The following NTNG1 variants were observed in gnomAD, a reference collection of about 807,000 sequenced individuals.
NTNG1 encodes netrin-G1.
A neutral mutation model predicts 54.0 loss-of-function variants in NTNG1; 16 were observed. That is an observed-to-expected ratio of 0.30 (90% CI 0.20 to 0.45). The LOEUF is 0.45. Ranked by LOEUF, NTNG1 falls within the 20% of genes least tolerant of loss-of-function variation. NTNG1 has a pLI of 1.00. For missense variants in NTNG1, 530 were observed against 678.7 expected (o/e 0.78, Z 2.43); for synonymous variants, 255 against 263.1 (o/e 0.97, Z 0.30).
chr1:107,170,229 T>C (rs1656118301), intron 2 of NTNG1, among the ~76,000 whole-genome samples: 1 of 152,180 alleles, frequency 6.6e-6, no homozygotes, highest in Admixed American at 6.5e-5. Context: ...GGATTATTGA[T>C]TAAGGCTTCT....
Position 107,461,049 on chromosome 1 carries a change from G to C in NTNG1, c.1391-19562G>C, listed in dbSNP as rs1415734233. Reference sequence around the variant, plus strand: ...AAAGGATGGATGCTGGGTGAAACAAGACAGAGAAGGCTTTAATTTATTCAA... The same window carrying C: ...AAAGGATGGATGCTGGGTGAAACAACACAGAGAAGGCTTTAATTTATTCAA... On this transcript the variant is annotated intron_variant, in intron 7 of 7. Transcript: ENST00000370068. 2.0e-5 allele frequency among the ~76,000 whole-genome samples: 3 copies of C among 152,184 alleles called. No individual in the cohort carries two copies. In the South Asian group the frequency reaches 6.2e-4, roughly 32 times the overall value.
chr1:107,415,368 T>C (rs539900368), intron 5 of NTNG1, among the ~76,000 whole-genome samples: 11 of 152,132 alleles, frequency 7.2e-5, no homozygotes, highest in Non-Finnish European at 1.3e-4. Flanking sequence ...GGCATATGCC[T>C]CATACATACA....
At chr1:107,253,599 C>T (rs1272702918) in intron 2 of NTNG1, among the ~76,000 whole-genome samples, 3 of 152,106 alleles carry the variant, frequency 2.0e-5, no homozygotes, top group Admixed American at 1.3e-4. Flanking sequence ...ATTAAGTTTA[C>T]CTGCTCTTCC....
chr1:107,314,275 T>A (rs1667198169), intron 2 of NTNG1, among the ~76,000 whole-genome samples: 1 of 152,140 alleles, frequency 6.6e-6, no homozygotes, highest in Non-Finnish European at 1.5e-5. Context: ...GGCACATGCC[T>A]GTATTCCCAG....
At chr1:107,391,443 A>G (rs1268481920) in intron 3 of NTNG1, among the ~76,000 whole-genome samples, 2 of 152,210 alleles carry the variant, frequency 1.3e-5, no homozygotes, top group Admixed American at 6.5e-5. Context: ...TAAGAAAGTG[A>G]TTGTTGCTAG....
chr1:107,426,659 T>A (rs542761531), intron 5 of NTNG1, among the ~76,000 whole-genome samples: 2 of 152,062 alleles, frequency 1.3e-5, no homozygotes, highest in Non-Finnish European at 2.9e-5. Flanking sequence ...CTATTTGGGC[T>A]TTTTTTGGGG....
At chr1:107,215,167 C>A (rs1659870425) in intron 2 of NTNG1, among the ~76,000 whole-genome samples, 1 of 152,010 alleles carries the variant, frequency 6.6e-6, no homozygotes, top group Non-Finnish European at 1.5e-5. Flanking sequence ...TATTTTGGTG[C>A]ATTAGCTTTT....
intron 5 of NTNG1, chr1:107,408,910 A>G (rs2819980): frequency 0.95 from 145,127 of 152,204 alleles, 69,578 homozygotes; most frequent in East Asian, 1. Context: ...TTATAAATGC[A>G]CAGTCAGGTG....
chr1:107,223,783 T>G (rs1052033230), intron 2 of NTNG1, among the ~76,000 whole-genome samples: 37 of 152,162 alleles, frequency 2.4e-4, no homozygotes, highest in African/African-American at 8.4e-4. Flanking sequence ...CAGAAAACAT[T>G]TTTGCTTGCT....
intron 2 of NTNG1, among the ~76,000 whole-genome samples, chr1:107,169,950 T>C (rs1222451474): frequency 6.6e-6 from 1 of 152,242 alleles, no homozygotes; most frequent in African/African-American, 2.4e-5. Context: ...TGTCCACAGC[T>C]GGAATTTTCT....
intron 3 of NTNG1, among the ~76,000 whole-genome samples, chr1:107,330,623 G>A (rs1173864806): frequency 2.6e-5 from 4 of 152,098 alleles, no homozygotes; most frequent in African/African-American, 9.7e-5. Flanking sequence ...GTTAATTCAT[G>A]ATTTAGCTAG....
At chr1:107,464,670 T>C (rs1044515434) in intron 7 of NTNG1, among the ~76,000 whole-genome samples, 13 of 151,996 alleles carry the variant, frequency 8.6e-5, no homozygotes, top group African/African-American at 3.1e-4. Context: ...ACAAGAAAAG[T>C]GTTTGTCCAT....
At position 107,144,058 on chromosome 1, in the gene NTNG1, A is replaced by T. The variant is rs184120744; in HGVS notation, c.-526+2918A>T. On this transcript the variant is annotated intron_variant, in intron 1 of 7. Transcript: ENST00000370068. ...TATTAAATTCCTTATATTTTGAGAG[A>T]CAGTTAACAAAAGGATAGAAGCATA... Among the ~76,000 whole-genome samples the T allele has an allele frequency of 7.2e-5, 11 of 152,218 alleles. No individual in the cohort carries two copies. In the East Asian group the frequency reaches 1.9e-3, roughly 27 times the overall value.
rs114997009 is a variant in NTNG1 at position 107,239,144 on chromosome 1, A to G, written c.247-85138A>G. ...TTGTGAAGGAAAAGTATACATGGAT[A>G]ACAGGAGAGTTAGGCCTAGAAGGAG... On this transcript the variant is annotated intron_variant, in intron 2 of 7. Coordinates refer to ENST00000370068, the MANE Select transcript of NTNG1 (RefSeq NM_001113226.3). Among the ~76,000 whole-genome samples, 311 of 152,306 alleles carry G rather than the reference A, an allele frequency of 2.0e-3. 1 individual carries two copies. Among genetic ancestry groups the G allele is most frequent in the African/African-American group, 7.1e-3 (297 of 41,558 alleles).
At chr1:107,396,860 A>T (rs189055883) in intron 4 of NTNG1, among the ~76,000 whole-genome samples, 8 of 152,298 alleles carry the variant, frequency 5.3e-5, no homozygotes, top group Admixed American at 5.2e-4. Context: ...GCTTGCCAAG[A>T]CCACTGGAGA....
At chr1:107,184,145 G>A (rs889524350) in intron 2 of NTNG1, among the ~76,000 whole-genome samples, 26 of 152,070 alleles carry the variant, frequency 1.7e-4, no homozygotes, top group Non-Finnish European at 2.6e-4. Context: ...AGTCTAGGAT[G>A]TTGTCATCCA....
chr1:107,460,150 C>G (rs1329930872), intron 7 of NTNG1, among the ~76,000 whole-genome samples: 1 of 152,174 alleles, frequency 6.6e-6, no homozygotes, highest in South Asian at 2.1e-4. Context: ...TCCTCAAGGG[C>G]AGAGTTTCAG....
chr1:107,425,236 G>T (rs1674823227), intron 5 of NTNG1, among the ~76,000 whole-genome samples: 2 of 152,032 alleles, frequency 1.3e-5, no homozygotes, highest in African/African-American at 4.8e-5. Context: ...GTGTTTCATG[G>T]ATATTACATG....
At chr1:107,186,170 T>C (rs951875474) in intron 2 of NTNG1, among the ~76,000 whole-genome samples, 2 of 152,182 alleles carry the variant, frequency 1.3e-5, no homozygotes. Flanking sequence ...TCCAGTTCCA[T>C]CTGTGTTGCT....
Sources: allele counts gnomAD v4.1 joint callset (sites outside exome capture counted in the v4.1 genomes callset), GRCh38; gene constraint gnomAD v4.1.1; transcripts MANE v1.5; gene names NCBI Gene and HGNC (gene_info 2026-07-23, HGNC 2026-07-21).